The following PPP2R2B variants were observed in gnomAD, a reference collection of about 807,000 sequenced individuals.
The protein encoded by PPP2R2B is protein phosphatase 2 regulatory subunit Bbeta, also known as serine/threonine-protein phosphatase 2A 55 kDa regulatory subunit B beta isoform.
PPP2R2B carries 5 observed loss-of-function variants against 46.0 expected under a neutral mutation model. The observed-to-expected ratio is 0.11, with a 90% CI of 0.06 to 0.23. PPP2R2B has a LOEUF of 0.23. PPP2R2B is among the 10% of genes least tolerant of loss of function. PPP2R2B has a pLI of 1.00. For missense variants in PPP2R2B, 367 were observed against 575.0 expected, an observed-to-expected ratio of 0.64 and a Z score of 3.70; for synonymous variants, 215 against 206.7, an observed-to-expected ratio of 1.04 and a Z score of -0.34.
intron 1 of PPP2R2B, among the ~76,000 whole-genome samples, chr5:146,923,016 A>C (rs1263732918): frequency 6.6e-6 from 1 of 152,224 alleles, no homozygotes; most frequent in Admixed American, 6.5e-5. Flanking sequence ...CCAAGAAGAA[A>C]AATGGAAAAA....
chr5:146,848,553 G>A (rs1041828205), intron 2 of PPP2R2B, among the ~76,000 whole-genome samples: 3 of 152,032 alleles, frequency 2.0e-5, no homozygotes, highest in Non-Finnish European at 2.9e-5. Flanking sequence ...TGTTTTTCTC[G>A]TGATTGAAGA....
chr5:147,014,595 A>G (rs2151880653), intron 1 of PPP2R2B, among the ~76,000 whole-genome samples: 1 of 152,210 alleles, frequency 6.6e-6, no homozygotes, highest in East Asian at 1.9e-4. Flanking sequence ...AGGGACATGG[A>G]TGAAATTGGA....
rs1770351618 is a variant in PPP2R2B at position 146,589,246 on chromosome 5, GA to G, written c.*700del. ...AGCTCACTCTGGGAAGCACTGTGTC[GA>G]AAGTGCTCTCTTTCTGTCCCCTGAA... On this transcript the variant is annotated 3_prime_UTR_variant, in exon 10 of 10. Transcript: ENST00000394411. The G allele has an allele frequency of 6.6e-6, 1 of 152,214 alleles. No homozygotes were observed. Among genetic ancestry groups the G allele is most frequent in the South Asian group, 2.1e-4 (1 of 4,824 alleles). 9.4% of individuals were successfully genotyped at this position (152,214 alleles called of 1,614,324 possible).
intron 2 of PPP2R2B, among the ~76,000 whole-genome samples, chr5:147,065,596 G>C (rs1757393052): frequency 6.6e-6 from 1 of 152,134 alleles, no homozygotes; most frequent in Non-Finnish European, 1.5e-5. Context: ...CCAATATCCA[G>C]AGAAGAGAAG....
chr5:146,797,047 G>A (rs1756582803), intron 2 of PPP2R2B, among the ~76,000 whole-genome samples: 1 of 152,126 alleles, frequency 6.6e-6, no homozygotes, highest in African/African-American at 2.4e-5. Flanking sequence ...CCCTTTGTTA[G>A]CTCTCAACGT....
exon 1 of PPP2R2B, chr5:147,055,799 G>T (rs1580865437): frequency 4.5e-6 from 7 of 1,551,008 alleles, no homozygotes; most frequent in Non-Finnish European, 4.4e-6. Context: ...AATCCATAAG[G>T]ATTCTCTCGG....
At chr5:146,662,718 A>T (rs2151110142) in intron 5 of PPP2R2B, among the ~76,000 whole-genome samples, 1 of 152,274 alleles carries the variant, frequency 6.6e-6, no homozygotes, top group Admixed American at 6.5e-5. Context: ...TTGAAGGTTT[A>T]TGTTAATTTT....
At chr5:146,867,713 C>G (rs777145112) in intron 2 of PPP2R2B, among the ~76,000 whole-genome samples, 3 of 152,212 alleles carry the variant, frequency 2.0e-5, no homozygotes, top group East Asian at 1.9e-4. Flanking sequence ...TTTCACGCAC[C>G]CTGGCTTCTG....
intron 2 of PPP2R2B, among the ~76,000 whole-genome samples, chr5:146,718,785 T>C (rs1284101458): frequency 6.6e-6 from 1 of 152,196 alleles, no homozygotes; most frequent in African/African-American, 2.4e-5. Flanking sequence ...TTCAGTCACA[T>C]ACGCAGTTTG....
At chr5:146,855,598 C>T (rs1373267389) in intron 2 of PPP2R2B, among the ~76,000 whole-genome samples, 1 of 151,898 alleles carries the variant, frequency 6.6e-6, no homozygotes, top group African/African-American at 2.4e-5. Context: ...AGCCTTTTTC[C>T]CTCTTCGTTC....
chr5:146,682,719 A>G (rs1778258585), intron 5 of PPP2R2B, among the ~76,000 whole-genome samples: 1 of 152,222 alleles, frequency 6.6e-6, no homozygotes, highest in South Asian at 2.1e-4. Flanking sequence ...CACACTGGCA[A>G]CTAAGTAGGC....
chr5:146,802,541 G>A (rs1756925532), intron 2 of PPP2R2B, among the ~76,000 whole-genome samples: 1 of 152,178 alleles, frequency 6.6e-6, no homozygotes, highest in Non-Finnish European at 1.5e-5. Context: ...ATGTGAAAAT[G>A]AACTTGTGCT....
intron 5 of PPP2R2B, among the ~76,000 whole-genome samples, chr5:146,665,541 C>T (rs1776933393): frequency 6.6e-6 from 1 of 152,180 alleles, no homozygotes; most frequent in South Asian, 2.1e-4. Flanking sequence ...TCTATCCATA[C>T]CACTCAAACC....
At chr5:147,079,258 G>T (rs1757894925) in intron 2 of PPP2R2B, among the ~76,000 whole-genome samples, 1 of 150,900 alleles carries the variant, frequency 6.6e-6, no homozygotes, top group Non-Finnish European at 1.5e-5. Context: ...ACATAGAAGA[G>T]AAATCTGCTC....
intron 2 of PPP2R2B, among the ~76,000 whole-genome samples, chr5:146,742,050 G>A (rs1752906632): frequency 6.6e-6 from 1 of 152,116 alleles, no homozygotes; most frequent in South Asian, 2.1e-4. Flanking sequence ...TGTGTAATGG[G>A]CTCTGGAGGA....
intron 5 of PPP2R2B, among the ~76,000 whole-genome samples, chr5:146,684,189 C>T (rs1778350588): frequency 6.6e-6 from 1 of 152,042 alleles, no homozygotes; most frequent in African/African-American, 2.4e-5. Flanking sequence ...GGATGTGAAG[C>T]CCCCAGAGCA....
chr5:146,810,547 A>G (rs564289790), intron 2 of PPP2R2B, among the ~76,000 whole-genome samples: 22 of 152,168 alleles, frequency 1.4e-4, no homozygotes, highest in Non-Finnish European at 2.5e-4. Flanking sequence ...ACTCAGATAG[A>G]GCAAGTAATT....
chr5:147,023,872 T>C (rs1438156598), intron 1 of PPP2R2B, among the ~76,000 whole-genome samples: 1 of 151,878 alleles, frequency 6.6e-6, no homozygotes, highest in Non-Finnish European at 1.5e-5. Context: ...ATTTGCTCTT[T>C]CCTGGAGATG....
intron 5 of PPP2R2B, among the ~76,000 whole-genome samples, chr5:146,682,073 C>T (rs931761061): frequency 5.9e-5 from 9 of 152,096 alleles, no homozygotes; most frequent in Non-Finnish European, 8.8e-5. Context: ...AAAGAGAACT[C>T]GATCCTAAAC....
Sources: gnomAD v4.1 joint callset for allele counts (sites outside exome capture counted in the v4.1 genomes callset) on GRCh38, gnomAD v4.1.1 for gene constraint, MANE v1.5 for transcripts, NCBI Gene and HGNC (gene_info 2026-07-23, HGNC 2026-07-21) for gene names.